Variants in UGT1A6 observed in about 807,000 individuals in gnomAD.
UGT1A6 encodes the protein UDP glucuronosyltransferase family 1 member A6.
A neutral mutation model predicts 44.4 loss-of-function variants in UGT1A6; 32 were observed. The ratio of observed to expected loss-of-function variants is 0.72; its 90% CI spans 0.54 to 0.97. The LOEUF is 0.97. UGT1A6 is among the 50% of genes least tolerant of loss of function. The pLI is 0.00. For synonymous variants in UGT1A6, 238 were observed against 248.5 expected, an observed-to-expected ratio of 0.96 and a Z score of 0.40; for missense variants, 685 against 661.9, an observed-to-expected ratio of 1.03 and a Z score of -0.38.
At chr2:233,708,902 GTTAGGTA>G (rs1432720061) in intron 1 of UGT1A6, among the ~76,000 whole-genome samples, 1 of 152,038 alleles carries the variant, frequency 6.6e-6, no homozygotes, top group Non-Finnish European at 1.5e-5. Flanking sequence ...GGGCTATCTG[GTTAGGTA>G]TTGCTTGCTA....
rs1049544264 is a variant in UGT1A6 at position 233,721,928 on chromosome 2, T to C, written c.861+28063T>C. 6 of 384,478 alleles carry C rather than the reference T, an allele frequency of 1.6e-5. No homozygotes were observed. The East Asian group carries it at 4.4e-4, about 28-fold the overall frequency. The allele number at this position is 384,478 out of a possible 1,614,324, so 23.8% of individuals were successfully genotyped here. A position where few individuals can be genotyped will look rare whatever the true frequency, so the allele number is the denominator to read the frequency against. ...TGCACACTGCTTCCATAAAGTGACATCCTTCAGACACTTGGTGGCTCTTTG... is the reference window on the plus strand; with the variant it reads ...TGCACACTGCTTCCATAAAGTGACACCCTTCAGACACTTGGTGGCTCTTTG... On this transcript the variant is annotated intron_variant, in intron 1 of 4. Transcript: ENST00000305139.
At chr2:233,755,646 G>A (rs1240330219) in intron 1 of UGT1A6, 4 of 157,058 alleles carry the variant, frequency 2.5e-5, no homozygotes, top group Admixed American at 2.5e-4. Context: ...CTTTTTCCTC[G>A]GCCACAGGAG....
At chr2:233,753,681 A>G in intron 1 of UGT1A6, 1 of 152,226 alleles carries the variant, frequency 6.6e-6, no homozygotes, top group East Asian at 1.9e-4. Flanking sequence ...CCTCACCCAA[A>G]CAATATTACA....
intron 1 of UGT1A6, among the ~76,000 whole-genome samples, chr2:233,716,097 C>T (rs1196579802): frequency 6.6e-6 from 1 of 152,176 alleles, no homozygotes; most frequent in Non-Finnish European, 1.5e-5. Flanking sequence ...ATTCCTTTAA[C>T]AGAAATTTAG....
intron 1 of UGT1A6, among the ~76,000 whole-genome samples, chr2:233,703,893 C>G (rs7567229): frequency 6.6e-6 from 1 of 151,246 alleles, no homozygotes; most frequent in African/African-American, 2.4e-5. Flanking sequence ...TCATTTTTTT[C>G]TTTTCTTTTT....
intron 1 of UGT1A6, among the ~76,000 whole-genome samples, chr2:233,694,477 G>C (rs1005897043): frequency 3.3e-5 from 5 of 152,126 alleles, no homozygotes; most frequent in Non-Finnish European, 7.4e-5. Flanking sequence ...TATGGCCTCT[G>C]ACCTAAGACA....
At chr2:233,694,775 G>A (rs2075240400) in intron 1 of UGT1A6, among the ~76,000 whole-genome samples, 1 of 152,170 alleles carries the variant, frequency 6.6e-6, no homozygotes, top group Admixed American at 6.5e-5. Context: ...CAAGGGTGAG[G>A]GGATGGGGAT....
chr2:233,718,465 T>G (rs2076655710), intron 1 of UGT1A6, among the ~76,000 whole-genome samples: 1 of 152,222 alleles, frequency 6.6e-6, no homozygotes, highest in Non-Finnish European at 1.5e-5. Context: ...AGACCTCAGC[T>G]GCAGCCTGAT....
chr2:233,725,264 G>GGCAGAGGAGGCA, intron 1 of UGT1A6, among the ~76,000 whole-genome samples: 1 of 58,548 alleles, frequency 1.7e-5, no homozygotes, highest in African/African-American at 1.3e-4. Flanking sequence ...CAGAGGCAGA[G>GGCAGAGGAGGCA]GAGGCAGAGG....
rs371827044 is a variant in UGT1A6, at chr2:233,728,641, A to G, written c.861+34776A>G. 1.3e-4 allele frequency among the ~76,000 whole-genome samples: 20 copies of G among 152,302 alleles called. No homozygotes were observed. The East Asian group carries it at 3.3e-3, about 25-fold the overall frequency. On this transcript the variant is annotated intron_variant, in intron 1 of 4. Transcript: ENST00000305139. ...GAGAAAGCTGGCTTAGCAATGTTGT[A>G]TGGTTTTTGGATGCGCTGCGTTACT...
chr2:233,706,820 G>A (rs903944218), intron 1 of UGT1A6, among the ~76,000 whole-genome samples: 4 of 152,174 alleles, frequency 2.6e-5, no homozygotes, highest in African/African-American at 9.7e-5. Flanking sequence ...GCCAATCCCA[G>A]GGCAGGACTC....
chr2:233,696,195 C>T (rs17864691), intron 1 of UGT1A6, among the ~76,000 whole-genome samples: 5,737 of 152,230 alleles, frequency 0.038, 134 homozygotes, highest in Non-Finnish European at 0.059. Flanking sequence ...ATCTGCACTC[C>T]CATGTTTATT....
chr2:233,722,351 T>C (rs991919579), intron 1 of UGT1A6, among the ~76,000 whole-genome samples: 1 of 152,240 alleles, frequency 6.6e-6, no homozygotes, highest in African/African-American at 2.4e-5. Context: ...TTTCTACAAA[T>C]ATACAAGACT....
chr2:233,738,537 C>G (rs761358623), intron 1 of UGT1A6, among the ~76,000 whole-genome samples: 3 of 152,168 alleles, frequency 2.0e-5, no homozygotes, highest in Non-Finnish European at 2.9e-5. Context: ...GAAGTCCAGG[C>G]TGAGTCTCAG....
intron 1 of UGT1A6, 103 bp downstream of exon 1, chr2:233,693,968 G>A (rs1467936379): frequency 1.3e-6 from 2 of 1,572,252 alleles, no homozygotes; most frequent in South Asian, 1.2e-5. Flanking sequence ...GGATTTCCTG[G>A]AGAAACGGTG....
In UGT1A6 at chr2:233,772,456, T is replaced by A; in HGVS notation, c.1496T>A (p.Leu499Gln). The A allele has an allele frequency of 6.2e-7, 1 of 1,614,218 alleles. No homozygotes were observed. The highest frequency in any genetic ancestry group is 8.5e-7 in the Non-Finnish European group (1 of 1,180,044). Residue 499 changes from leucine to glutamine, a missense_variant, in exon 5 of 5, where the codon CTG (leucine) becomes CAG (glutamine). Leu to Gln is a moderately radical substitution (Grantham distance 113). Coordinates refer to ENST00000305139, the MANE Select transcript of UGT1A6 (RefSeq NM_001072.4). ...ATTGGTTTCCTCTTGGCCGTCGTGC[T>A]GACAGTGGCCTTCATCACCTTTAAA... is the stretch of plus-strand genomic sequence containing the variant. ...DVIGFLLAVV[L>Q]TVAFITFKCC...
chr2:233,716,067 T>C (rs1328183312), intron 1 of UGT1A6, among the ~76,000 whole-genome samples: 2 of 152,250 alleles, frequency 1.3e-5, no homozygotes, highest in Non-Finnish European at 2.9e-5. Flanking sequence ...AGTTGTATTC[T>C]TTCCACTGAG....
intron 1 of UGT1A6, among the ~76,000 whole-genome samples, chr2:233,736,576 T>G: frequency 6.6e-6 from 1 of 152,372 alleles, no homozygotes; most frequent in Admixed American, 6.5e-5. Flanking sequence ...TGTGATCCTT[T>G]GGAGGAGATG....
At chr2:233,755,943 TC>T (rs1252557190) in intron 1 of UGT1A6, 1 of 62,766 alleles carries the variant, frequency 1.6e-5, no homozygotes, top group African/African-American at 8.0e-5. Context: ...TTTTTGCATC[TC>T]TCTCTTTAGT....
Sources: gnomAD v4.1 joint callset for allele counts (sites outside exome capture counted in the v4.1 genomes callset) on GRCh38, gnomAD v4.1.1 for gene constraint, MANE v1.5 for transcripts, NCBI Gene and HGNC (gene_info 2026-07-23, HGNC 2026-07-21) for gene names.